PRR5L: variants seen among roughly 807,000 people sequenced by gnomAD.
PRR5L encodes the protein proline rich 5 like.
PRR5L carries 21 observed loss-of-function variants against 36.4 expected under a neutral mutation model. The ratio of observed to expected loss-of-function variants is 0.58; its 90% CI spans 0.41 to 0.83. The LOEUF (loss-of-function observed/expected upper bound fraction) is 0.83, where lower values mean the gene tolerates loss of function less well. Ranked by LOEUF, PRR5L falls within the 40% of genes least tolerant of loss-of-function variation. The pLI, the probability that PRR5L is intolerant of heterozygous loss-of-function variation, is 0.00. For synonymous variants in PRR5L, 188 were observed against 197.0 expected (o/e 0.95, Z 0.38); for missense variants, 381 against 473.3 (o/e 0.80, Z 1.81).
At chr11:36,385,785 G>A (rs1296963340) in intron 1 of PRR5L, among the ~76,000 whole-genome samples, 1 of 152,210 alleles carries the variant, frequency 6.6e-6, no homozygotes, top group African/African-American at 2.4e-5. Flanking sequence ...GCTATGCTAT[G>A]TAGCAGGCAC....
intron 1 of PRR5L, among the ~76,000 whole-genome samples, chr11:36,373,126 G>C (rs1161627669): frequency 1.3e-5 from 2 of 152,028 alleles, no homozygotes; most frequent in Non-Finnish European, 2.9e-5. Flanking sequence ...GTCTTAAAGG[G>C]GGCTGCCTCA....
At chr11:36,336,507 G>A (rs1856770176) in intron 1 of PRR5L, among the ~76,000 whole-genome samples, 1 of 148,810 alleles carries the variant, frequency 6.7e-6, no homozygotes, top group African/African-American at 2.5e-5. Context: ...TGGGATTACA[G>A]GCTTGAACCA....
chr11:36,321,029 C>A (rs575680793), intron 1 of PRR5L: 2 of 152,118 alleles, frequency 1.3e-5, no homozygotes, highest in South Asian at 4.2e-4. Flanking sequence ...AAAAATAATT[C>A]TTTGAGTTTT....
intron 1 of PRR5L, among the ~76,000 whole-genome samples, chr11:36,356,347 T>C (rs1357057472): frequency 6.6e-6 from 1 of 152,178 alleles, no homozygotes; most frequent in Non-Finnish European, 1.5e-5. Context: ...AAGCAGATCA[T>C]TGGCCTCTGA....
intron 1 of PRR5L, among the ~76,000 whole-genome samples, chr11:36,329,556 A>C (rs1301307002): frequency 6.6e-6 from 1 of 152,252 alleles, no homozygotes; most frequent in Non-Finnish European, 1.5e-5. Context: ...TTTTGCTCAA[A>C]GATAATCAAA....
intron 4 of PRR5L, chr11:36,425,658 C>T (rs1184192503): frequency 6.6e-6 from 1 of 152,170 alleles, no homozygotes; most frequent in African/African-American, 2.4e-5. Flanking sequence ...TCGCGGGTCT[C>T]ATCACACCCA....
chr11:36,391,793 C>T (rs2133544092), intron 1 of PRR5L, among the ~76,000 whole-genome samples: 1 of 152,300 alleles, frequency 6.6e-6, no homozygotes, highest in African/African-American at 2.4e-5. Flanking sequence ...ATGGGGTATC[C>T]ATCACTTCAA....
At chr11:36,361,830 T>G (rs1162601402) in intron 1 of PRR5L, among the ~76,000 whole-genome samples, 1 of 152,124 alleles carries the variant, frequency 6.6e-6, no homozygotes, top group Non-Finnish European at 1.5e-5. Flanking sequence ...TATATCTAAC[T>G]CTTGTGGTTT....
chr11:36,317,870 T>C (rs762902137), intron 1 of PRR5L, among the ~76,000 whole-genome samples: 2 of 152,226 alleles, frequency 1.3e-5, no homozygotes, highest in Non-Finnish European at 2.9e-5. Flanking sequence ...AGTTTTCTTA[T>C]TGGTTTGTGA....
At chr11:36,366,171 G>A (rs994683761) in intron 1 of PRR5L, among the ~76,000 whole-genome samples, 2 of 152,176 alleles carry the variant, frequency 1.3e-5, no homozygotes, top group Non-Finnish European at 2.9e-5. Flanking sequence ...CTGTCAAGCT[G>A]TGGGACCTTG....
At chr11:36,393,496 G>T (rs1438759639) in intron 1 of PRR5L, among the ~76,000 whole-genome samples, 1 of 152,106 alleles carries the variant, frequency 6.6e-6, no homozygotes, top group Non-Finnish European at 1.5e-5. Context: ...TAAATGTATG[G>T]ATTTGTTTCT....
chr11:36,376,248 G>A (rs1304689941), intron 1 of PRR5L: 15 of 1,243,886 alleles, frequency 1.2e-5, no homozygotes, highest in East Asian at 5.8e-5. Flanking sequence ...GTGAGTTGGG[G>A]GACATTGGAG....
At chr11:36,379,076 A>G (rs1238554909) in intron 1 of PRR5L, among the ~76,000 whole-genome samples, 1 of 152,198 alleles carries the variant, frequency 6.6e-6, no homozygotes, top group Non-Finnish European at 1.5e-5. Flanking sequence ...AAAAAGCCCT[A>G]ATCTTGTCTT....
intron 1 of PRR5L, among the ~76,000 whole-genome samples, chr11:36,387,963 C>A (rs576454543): frequency 6.6e-6 from 1 of 152,238 alleles, no homozygotes; most frequent in East Asian, 1.9e-4. Context: ...TCTGGCAAAA[C>A]CAGGCTTATA....
Position 36,451,321 on chromosome 11 carries a change from C to G in PRR5L, c.698C>G (p.Pro233Arg), listed in dbSNP as rs749786823. Residue 233 changes from proline (P) to arginine (R), a missense_variant, in exon 8 of 9, where the codon CCC becomes CGC. Transcript: ENST00000530639. ...GISGDRSFSG[P>R]TYTLARRHSR... is the part of the protein sequence containing the mutation. ...AGCGGGGACCGTAGCTTCTCAGGCCCCACGTACACGCTGGGTAAGGAGTGC... is the reference window on the plus strand; with the variant it reads ...AGCGGGGACCGTAGCTTCTCAGGCCGCACGTACACGCTGGGTAAGGAGTGC... 1 of 1,614,176 alleles carries G rather than the reference C, an allele frequency of 6.2e-7. No homozygotes were observed. Among genetic ancestry groups the G allele is most frequent in the South Asian group, 1.1e-5 (1 of 91,080 alleles).
intron 1 of PRR5L, among the ~76,000 whole-genome samples, chr11:36,328,667 T>G (rs1346685034): frequency 6.6e-6 from 1 of 152,162 alleles, no homozygotes; most frequent in Non-Finnish European, 1.5e-5. Flanking sequence ...AGTGGCAGTA[T>G]ATGTTTTTCC....
chr11:36,302,083 G>A (rs1048376471), intron 1 of PRR5L, among the ~76,000 whole-genome samples: 8 of 152,196 alleles, frequency 5.3e-5, no homozygotes, highest in African/African-American at 1.7e-4. Flanking sequence ...TGTGCTTTTG[G>A]CTTTTCTGTG....
chr11:36,455,034 C>G (rs571727599), intron 8 of PRR5L, among the ~76,000 whole-genome samples: 1 of 152,238 alleles, frequency 6.6e-6, no homozygotes, highest in South Asian at 2.1e-4. Flanking sequence ...GCAGGGCCCT[C>G]CCGAGCACAC....
intron 1 of PRR5L, chr11:36,376,617 A>G: frequency 2.0e-6 from 2 of 991,934 alleles, no homozygotes; most frequent in Middle Eastern, 5.1e-4. Flanking sequence ...AAGACCGGAA[A>G]CTTTTTCCTA....
Sources: allele counts gnomAD v4.1 joint callset (sites outside exome capture counted in the v4.1 genomes callset), GRCh38; gene constraint gnomAD v4.1.1; transcripts MANE v1.5; gene names NCBI Gene and HGNC (gene_info 2026-07-23, HGNC 2026-07-21).